SUGCT: variants seen among roughly 807,000 people sequenced by gnomAD.
The protein encoded by SUGCT is succinyl-CoA:glutarate-CoA transferase, also known as succinyl-CoA:glutarate CoA-transferase.
Under a neutral mutation model 55.0 loss-of-function variants are expected in SUGCT, and 41 were observed. That is an observed-to-expected ratio of 0.74 (90% confidence interval 0.58 to 0.97). The LOEUF (loss-of-function observed/expected upper bound fraction) is 0.97, where lower values mean the gene tolerates loss of function less well. SUGCT is among the 50% of genes least tolerant of loss of function. The pLI is 0.00. For synonymous variants in SUGCT, 187 were observed against 200.4 expected (o/e 0.93, Z 0.56); for missense variants, 568 against 547.8 (o/e 1.04, Z -0.37).
chr7:40,805,212 G>C (rs1237767034), intron 13 of SUGCT, among the ~76,000 whole-genome samples: 2 of 152,018 alleles, frequency 1.3e-5, no homozygotes, highest in Non-Finnish European at 2.9e-5. Context: ...GTCTCTAAAG[G>C]CACATGAATC....
At chr7:40,909,781 C>G in the SUGCT span, among the ~76,000 whole-genome samples, 1 of 152,186 alleles carries the variant, frequency 6.6e-6, no homozygotes, top group Non-Finnish European at 1.5e-5. Flanking sequence ...TTGGACTCAT[C>G]TCGTGGCTTT....
chr7:40,999,565 C>T, the SUGCT span, among the ~76,000 whole-genome samples: 9 of 152,122 alleles, frequency 5.9e-5, no homozygotes, highest in Non-Finnish European at 1.2e-4. Flanking sequence ...TAACACTATA[C>T]AAGTGTTAAA....
chr7:40,924,780 A>T, the SUGCT span, among the ~76,000 whole-genome samples: 3 of 152,242 alleles, frequency 2.0e-5, no homozygotes, highest in Non-Finnish European at 4.4e-5. Context: ...GAGTGAACAA[A>T]GGAAGAAAAC....
chr7:40,722,023 T>C (rs906432216), intron 12 of SUGCT, among the ~76,000 whole-genome samples: 24 of 152,164 alleles, frequency 1.6e-4, no homozygotes, highest in African/African-American at 5.5e-4. Flanking sequence ...AACCTATCCA[T>C]TTAAATATGA....
At chr7:40,692,294 A>G (rs532767329) in intron 12 of SUGCT, among the ~76,000 whole-genome samples, 2 of 152,300 alleles carry the variant, frequency 1.3e-5, no homozygotes, top group South Asian at 4.1e-4. Context: ...TTCTATAAAA[A>G]CTACAGTGAA....
At chr7:40,209,830 T>C (rs1787230532) in intron 6 of SUGCT, among the ~76,000 whole-genome samples, 1 of 152,104 alleles carries the variant, frequency 6.6e-6, no homozygotes, top group Admixed American at 6.6e-5. Context: ...ATAAAGATTT[T>C]ATAATTATTT....
chr7:40,241,969 T>A (rs926865472), intron 7 of SUGCT, among the ~76,000 whole-genome samples: 1 of 151,568 alleles, frequency 6.6e-6, no homozygotes, highest in African/African-American at 2.4e-5. Context: ...GTAAACTAAT[T>A]ACTGTTGACC....
At chr7:40,902,608 A>C in the SUGCT span, among the ~76,000 whole-genome samples, 1 of 151,608 alleles carries the variant, frequency 6.6e-6, no homozygotes, top group Non-Finnish European at 1.5e-5. Flanking sequence ...AAAAAAAACC[A>C]AAACCACAAA....
intron 13 of SUGCT, among the ~76,000 whole-genome samples, chr7:40,835,635 C>T (rs967196565): frequency 5.9e-5 from 9 of 152,116 alleles, no homozygotes; most frequent in African/African-American, 9.7e-5. Context: ...TTTGGAAGAA[C>T]GTATTTGATG....
chr7:40,817,689 T>C (rs1214036148), intron 13 of SUGCT, among the ~76,000 whole-genome samples: 1 of 152,158 alleles, frequency 6.6e-6, no homozygotes, highest in Non-Finnish European at 1.5e-5. Flanking sequence ...TGAACATATA[T>C]ATAGTTCTTC....
chr7:40,463,169 C>G (rs1193038696), intron 11 of SUGCT, among the ~76,000 whole-genome samples: 1 of 152,088 alleles, frequency 6.6e-6, no homozygotes, highest in African/African-American at 2.4e-5. Context: ...ACTTTCCTTG[C>G]CTGATATTTT....
intron 12 of SUGCT, among the ~76,000 whole-genome samples, chr7:40,503,665 G>T (rs1792425767): frequency 6.6e-6 from 1 of 152,088 alleles, no homozygotes; most frequent in South Asian, 2.1e-4. Context: ...CCAGATAATA[G>T]AGGTTTCAGA....
chr7:40,728,279 G>T (rs2128692835), intron 12 of SUGCT, among the ~76,000 whole-genome samples: 1 of 152,266 alleles, frequency 6.6e-6, no homozygotes, highest in Non-Finnish European at 1.5e-5. Flanking sequence ...AGCATTTTGG[G>T]AGGCTGAAGC....
At chr7:40,912,870 T>C in the SUGCT span, among the ~76,000 whole-genome samples, 1 of 152,046 alleles carries the variant, frequency 6.6e-6, no homozygotes, top group Non-Finnish European at 1.5e-5. Context: ...AGTCAACTTG[T>C]ACTCCATCAA....
At chr7:40,787,458 CAAGATCTCAGAGAAAAGT>C (rs57143975) in intron 13 of SUGCT, among the ~76,000 whole-genome samples, 66,703 of 150,982 alleles carry the variant, frequency 0.44, 15,190 homozygotes, top group South Asian at 0.59. Flanking sequence ...CATACGGGGC[CAAGATCTCAGAGAAAAGT>C]AAGATCTCAG....
chr7:40,187,724 A>G (rs1562562524), intron 3 of SUGCT, among the ~76,000 whole-genome samples: 1 of 152,200 alleles, frequency 6.6e-6, no homozygotes, highest in Non-Finnish European at 1.5e-5. Context: ...GATTGAGGTC[A>G]GGAGTTCGGA....
At chr7:40,297,542 T>C (rs1194284718) in intron 8 of SUGCT, among the ~76,000 whole-genome samples, 5 of 152,126 alleles carry the variant, frequency 3.3e-5, no homozygotes, top group Admixed American at 3.3e-4. Context: ...CTGATCATTT[T>C]GAGGAAAAGT....
At chr7:40,684,411 G>T (rs1306747850) in intron 12 of SUGCT, among the ~76,000 whole-genome samples, 1 of 152,068 alleles carries the variant, frequency 6.6e-6, no homozygotes, top group Non-Finnish European at 1.5e-5. Flanking sequence ...AGCCTTCCTT[G>T]TAATTTTTTA....
chr7:40,475,866 C>A (rs1390937506), intron 11 of SUGCT, among the ~76,000 whole-genome samples: 1 of 152,080 alleles, frequency 6.6e-6, no homozygotes, highest in Non-Finnish European at 1.5e-5. Flanking sequence ...AATAATTGAT[C>A]TATAAATAAG....
Sources: allele counts gnomAD v4.1 joint callset (sites outside exome capture counted in the v4.1 genomes callset), GRCh38; gene constraint gnomAD v4.1.1; transcripts MANE v1.5; gene names NCBI Gene and HGNC (gene_info 2026-07-23, HGNC 2026-07-21).